The following PIR variants were observed in gnomAD, a reference collection of about 807,000 sequenced individuals.
PIR encodes pirin (iron-binding nuclear protein).
In PIR, 22 loss-of-function variants were observed where a neutral mutation model predicts 24.2. That is an observed-to-expected ratio of 0.91 (90% CI 0.65 to 1.30). The LOEUF (loss-of-function observed/expected upper bound fraction) is 1.30. PIR is among the 50% of genes most tolerant of loss of function. The pLI, the probability that PIR is intolerant of heterozygous loss-of-function variation, is 0.00. For missense variants in PIR, 220 were observed against 220.3 expected (o/e 1.00, Z 0.01); for synonymous variants, 80 against 79.6 (o/e 1.00, Z -0.03).
chrX:15,398,255 C>G (rs1346391848), intron 7 of PIR, among the ~76,000 whole-genome samples: 1 of 111,477 alleles, frequency 9.0e-6, no homozygotes, highest in Non-Finnish European at 1.9e-5. Flanking sequence ...AAAAAAAGAC[C>G]CTGTTCTAAA....
At chrX:15,483,365 C>T (rs1252362064) in intron 2 of PIR, among the ~76,000 whole-genome samples, 1 of 110,158 alleles carries the variant, frequency 9.1e-6, no homozygotes, top group Non-Finnish European at 1.9e-5. Flanking sequence ...TCAAAAACAC[C>T]AAAAGAGGCT....
At chrX:15,423,506 C>T (rs1449045813) in intron 6 of PIR, among the ~76,000 whole-genome samples, 1 of 110,814 alleles carries the variant, frequency 9.0e-6, no homozygotes, top group Non-Finnish European at 1.9e-5. Flanking sequence ...ATCCCAGGTA[C>T]TTGGAAAGCT....
intron 3 of PIR, among the ~76,000 whole-genome samples, chrX:15,462,751 T>C (rs1305828720): frequency 8.9e-6 from 1 of 112,300 alleles, no homozygotes; most frequent in Admixed American, 9.4e-5. Context: ...TTTGTATATT[T>C]AGGACATAAT....
chrX:15,445,085 ACG>A (rs1926044174), intron 5 of PIR, among the ~76,000 whole-genome samples: 3 of 107,545 alleles, frequency 2.8e-5, no homozygotes, highest in Non-Finnish European at 5.8e-5. Flanking sequence ...AGAGAATAAC[ACG>A]TGGGGGTGGG....
At chrX:15,404,759 C>T (rs779686530) in intron 7 of PIR, among the ~76,000 whole-genome samples, 3 of 111,409 alleles carry the variant, frequency 2.7e-5, no homozygotes, top group African/African-American at 6.5e-5. Flanking sequence ...TCTCATTAAC[C>T]GCCCCCCCAT....
chrX:15,445,990 T>C (rs571757806), intron 5 of PIR, among the ~76,000 whole-genome samples: 312 of 108,376 alleles, frequency 2.9e-3, no homozygotes, highest in South Asian at 0.011. Flanking sequence ...CCACCACGCC[T>C]GGCTAATTTT....
At chrX:15,488,301 GAAAAGAAAGAAAAAGA>G (rs199974580) in intron 2 of PIR, among the ~76,000 whole-genome samples, 28,752 of 81,369 alleles carry the variant, frequency 0.35, 4,337 homozygotes, top group East Asian at 0.38. Flanking sequence ...AAAAAAAAAA[GAAAAGAAAGAAAAAGA>G]AAAAGAAAGA....
Position 15,401,560 on chromosome X carries a change from C to G in PIR, c.611-4029G>C, listed in dbSNP as rs777039474. 6.3e-5 allele frequency among the ~76,000 whole-genome samples: 7 copies of G among 111,450 alleles called. No individual in the cohort carries two copies. The East Asian group carries it at 1.4e-3, about 22-fold the overall frequency. On this transcript the variant is annotated intron_variant, in intron 7 of 9. Transcript: ENST00000380420. The stretch of plus-strand genomic sequence containing the variant: ...TATCTCCTGAACCTAAAATAAGTCT[C>G]AAAAAATATATCTTATTGTTTCTGA...
chrX:15,403,988 ATTTTC>A (rs1924471998), intron 7 of PIR, among the ~76,000 whole-genome samples: 1 of 81,981 alleles, frequency 1.2e-5, no homozygotes, highest in Non-Finnish European at 2.4e-5. Context: ...AACATCCAGC[ATTTTC>A]TTTTTTTTTT....
chrX:15,425,978 T>G lies in PIR; in HGVS notation c.493A>C (p.Thr165Pro). 1 of 1,179,354 alleles carries G rather than the reference T, an allele frequency of 8.5e-7. No individual in the cohort carries two copies. Among genetic ancestry groups the G allele is most frequent in the Non-Finnish European group, 1.2e-6 (1 of 866,539 alleles). The change falls in exon 6 of 10, where the codon ACT (threonine) becomes CCT (proline). Residue 165 changes from threonine (T) to proline (P), a missense_variant. Transcript: ENST00000380420. ...EALGIKSKVY[T>P]RTPTLYLDFK... ...TCCAAATATAAGGTTGGTGTGCGAG[T>G]GTAAACCTTGGACTGAAAAGGAAAA... is the stretch of plus-strand genomic sequence containing the variant.
intron 5 of PIR, among the ~76,000 whole-genome samples, chrX:15,443,494 A>T (rs1925987822): frequency 2.7e-5 from 3 of 111,404 alleles, no homozygotes; most frequent in Non-Finnish European, 5.6e-5. Flanking sequence ...ATTATAATTC[A>T]TATTAACAAT....
intron 5 of PIR, among the ~76,000 whole-genome samples, chrX:15,434,883 A>G (rs1925699780): frequency 2.7e-5 from 3 of 111,590 alleles, no homozygotes; most frequent in Non-Finnish European, 5.6e-5. Context: ...ATGTTTGTGT[A>G]TATTTTTCTA....
chrX:15,444,784 C>T (rs951063778), intron 5 of PIR, among the ~76,000 whole-genome samples: 1 of 111,303 alleles, frequency 9.0e-6, no homozygotes, highest in African/African-American at 3.3e-5. Context: ...CTCAAAGTCT[C>T]CCAAGGCAGA....
At chrX:15,408,519 G>T (rs113945917) in intron 6 of PIR, among the ~76,000 whole-genome samples, 3,942 of 111,566 alleles carry the variant, frequency 0.035, 178 homozygotes, top group African/African-American at 0.12. Context: ...ATGGGGCCAA[G>T]AAATCAAAAT....
chrX:15,425,411 C>CTTTTTTT (rs756160029), intron 6 of PIR, among the ~76,000 whole-genome samples: 2,044 of 91,926 alleles, frequency 0.022, 105 homozygotes, highest in African/African-American at 0.082. Flanking sequence ...TTCTTTCTTT[C>CTTTTTTT]TTTTTTTTTT....
rs750046296 is a variant in PIR at position 15,385,006 on chromosome X, A to G, written c.871T>C (p.Ter291GlnextTer22). The G allele has an allele frequency of 9.0e-7, 1 of 1,111,588 alleles. No homozygotes were observed. The highest frequency in any genetic ancestry group is 1.8e-5 in the South Asian group (1 of 54,561). 91.6% of individuals were successfully genotyped at this position (1,111,588 alleles called of 1,213,427 possible). Residue 291 changes from the stop codon to glutamine, a stop_lost, in exon 10 of 10, where the codon TAG becomes CAG. Transcript: ENST00000380420. Reference protein sequence around the residue: ...AKTWKSKIGN* With the variant: ...AKTWKSKIGNQ ...AAGACCTGCTCTTCCGCTTTCCACT[A>G]GTTCCCAATCTTTGATTTCCAGGTT...
chrX:15,412,949 T>G (rs1371154516), intron 6 of PIR, among the ~76,000 whole-genome samples: 1 of 112,102 alleles, frequency 8.9e-6, no homozygotes, highest in Non-Finnish European at 1.9e-5. Context: ...TCAAGCCTCT[T>G]TGCTGGTTTG....
chrX:15,421,076 G>A lies in PIR; in HGVS notation c.565+4830C>T, dbSNP rs140977266. On this transcript the variant is annotated intron_variant, in intron 6 of 9. Transcript: ENST00000380420. ...ATATATCTGTGATCTATATAGTGAG[G>A]GTACTGGACATAGATAAGGGAGGAC... Among the ~76,000 whole-genome samples, 442 of 111,799 alleles carry A rather than the reference G, an allele frequency of 4.0e-3. 7 individuals are homozygous for A. Among genetic ancestry groups the A allele is most frequent in the Admixed American group, 0.033 (347 of 10,531 alleles).
Position 15,454,272 on chromosome X carries a change from T to C in PIR, c.480+1576A>G, listed in dbSNP as rs184430085. ...GAAAAGGGCACTCACTGACCAATGC[T>C]TGGCAAAACAGAAACGAGTCACAGA... is the stretch of plus-strand genomic sequence containing the variant. On this transcript the variant is annotated intron_variant, in intron 5 of 9. Transcript: ENST00000380420. Among the ~76,000 whole-genome samples the C allele has an allele frequency of 5.4e-5, 6 of 111,463 alleles. No homozygotes were observed. The Admixed American group carries it at 5.7e-4, about 11-fold the overall frequency.
Sources: allele counts gnomAD v4.1 joint callset (sites outside exome capture counted in the v4.1 genomes callset), GRCh38; gene constraint gnomAD v4.1.1; transcripts MANE v1.5; gene names NCBI Gene and HGNC (gene_info 2026-07-23, HGNC 2026-07-21).